The following MEN1 variants were observed in gnomAD, a reference collection of about 807,000 sequenced individuals.
The protein encoded by MEN1 is menin.
A neutral mutation model predicts 58.0 loss-of-function variants in MEN1; 6 were observed. The observed-to-expected ratio is 0.10, with a 90% confidence interval of 0.06 to 0.20. MEN1 has a LOEUF of 0.20. Ranked by LOEUF, MEN1 falls within the 10% of genes least tolerant of loss-of-function variation. MEN1 has a pLI of 1.00. For missense variants in MEN1, 492 were observed against 818.5 expected, an observed-to-expected ratio of 0.60 and a Z score of 4.87; for synonymous variants, 346 against 350.7, an observed-to-expected ratio of 0.99 and a Z score of 0.15.
intron 6 of MEN1, 70 bp downstream of exon 6, chr11:64,806,941 G>C: frequency 7.3e-7 from 1 of 1,378,306 alleles, no homozygotes. Flanking sequence ...CTTCTCATCT[G>C]CCCAGATGAG....
chr11:64,804,751 G>A lies in MEN1; in HGVS notation c.1416C>T (p.Gly472=), dbSNP rs764509990. 23 of 1,596,976 alleles carry A rather than the reference G, an allele frequency of 1.4e-5. No individual in the cohort carries two copies. The highest frequency in any genetic ancestry group is 1.0e-4 in the Admixed American group (6 of 59,892). Residue 472 remains glycine, a synonymous_variant, in exon 10 of 10, where the codon GGC becomes GGT. Transcript: ENST00000450708. This position sits in a 1 kb window ranked among gnomAD's most constrained non-coding sequence, Gnocchi z 4.2. ...GCCGCCGGCCTTCCCGGGCTTCCTC[G>A]CCCCACGGCTCCTCGGCCTCGGCCG... The part of the protein sequence containing the change: ...AEAAEAEEPW[G]EEAREGRRRG...
chr11:64,810,365 C>T (rs967298178), intron 1 of MEN1, 149 bp downstream of exon 1: 2 of 552,310 alleles, frequency 3.6e-6, no homozygotes, highest in South Asian at 4.4e-5. Context: ...ATGGGGTGCG[C>T]CCCAAGCACC....
Position 64,803,589 on chromosome 11 carries a change from G to A in MEN1, c.*745C>T. ...CTATGTACAAAACAGGAAGAGATCA[G>A]GCTCTTGTCACCCACTCCTAACCCT... On this transcript the variant is annotated 3_prime_UTR_variant, in exon 10 of 10. Coordinates refer to ENST00000450708, the MANE Select transcript of MEN1 (RefSeq NM_001370259.2). 1 of 233,748 alleles carries A rather than the reference G, an allele frequency of 4.3e-6. No homozygotes were observed. The highest frequency in any genetic ancestry group is 6.0e-5 in the East Asian group (1 of 16,580). 14.5% of individuals were successfully genotyped at this position (233,748 alleles called of 1,614,324 possible).
chr11:64,805,927 G>T, intron 7 of MEN1, 157 bp from the exon 8 acceptor site: 2 of 786,162 alleles, frequency 2.5e-6, no homozygotes, highest in Non-Finnish European at 4.3e-6. Context: ...GAGGAAGAAA[G>T]CAAGAATGAG....
At chr11:64,808,913 C>T (rs996955230) in intron 2 of MEN1, among the ~76,000 whole-genome samples, 1 of 148,426 alleles carries the variant, frequency 6.7e-6, no homozygotes, top group Non-Finnish European at 1.5e-5. Context: ...CGAGATTGCA[C>T]CACTGCACTC....
In MEN1 at chr11:64,809,807, G is replaced by A. The variant is rs1463347315; in HGVS notation, c.303C>T (p.Val101=). The A allele has an allele frequency of 5.0e-6, 8 of 1,613,790 alleles. No individual in the cohort carries two copies. The highest frequency in any genetic ancestry group is 1.6e-4 in the Middle Eastern group (1 of 6,084). ...CTTCTCGAGGATAGAGGGACAGGTCGACGGCGCCTCGGATCTGGGCGGTGA... is the reference window on the plus strand; with the variant it reads ...CTTCTCGAGGATAGAGGGACAGGTCAACGGCGCCTCGGATCTGGGCGGTGA... ...ARFTAQIRGA[V]DLSLYPREGG... Residue 101 remains valine (V), a synonymous_variant, in exon 2 of 10, where the codon GTC becomes GTT. Coordinates refer to ENST00000450708, the MANE Select transcript of MEN1 (RefSeq NM_001370259.2).
chr11:64,805,988 T>G, intron 7 of MEN1: 1 of 651,716 alleles, frequency 1.5e-6, no homozygotes, highest in Non-Finnish European at 2.7e-6. Context: ...ATGATGGTGG[T>G]TAAACATTGG....
intron 2 of MEN1, among the ~76,000 whole-genome samples, chr11:64,808,821 T>G (rs1466958738): frequency 6.6e-6 from 1 of 151,786 alleles, no homozygotes; most frequent in Admixed American, 6.6e-5. Context: ...GGTGGCAGGC[T>G]CCTGTAGTCC....
chr11:64,806,057 T>C, intron 7 of MEN1, 175 bp downstream of exon 7: 1 of 770,154 alleles, frequency 1.3e-6, no homozygotes, highest in Non-Finnish European at 2.1e-6. Flanking sequence ...GAGGGAAAGA[T>C]GTGACACCTT....
chr11:64,805,967 C>T lies in MEN1; in HGVS notation c.1050-197G>A, dbSNP rs1941692905. 1.5e-5 allele frequency: 10 copies of T among 668,020 alleles called. No homozygotes were observed. The South Asian group carries it at 1.8e-4, about 12-fold the overall frequency. The allele number at this position is 668,020 out of a possible 1,614,324, so 41.4% of individuals were successfully genotyped here. A position where few individuals can be genotyped will look rare whatever the true frequency, so the allele number is the denominator to read the frequency against. On this transcript the variant is annotated intron_variant, in intron 7 of 9. Transcript: ENST00000450708. ...GGGGCATGGGGCCGAGGGTGGAAGT[C>T]CCACTGCTGGATGATGGTGGTTAAA...
At position 64,803,784 on chromosome 11, in the gene MEN1, G is replaced by C. The variant is rs147116273; in HGVS notation, c.*550C>G. 2 of 243,202 alleles carry C rather than the reference G, an allele frequency of 8.2e-6. No homozygotes were observed. The highest frequency in any genetic ancestry group is 1.6e-5 in the Non-Finnish European group (2 of 122,942). 15.1% of individuals were successfully genotyped at this position (243,202 alleles called of 1,614,324 possible). A position where few individuals can be genotyped will look rare whatever the true frequency, so the allele number is the denominator to read the frequency against. ...GTTTTGTGTCCCAGACTCGGGATAC[G>C]AAGGAGAGGAAACTAGGATTTCCAA... On this transcript the variant is annotated 3_prime_UTR_variant, in exon 10 of 10. Coordinates refer to ENST00000450708, the MANE Select transcript of MEN1 (RefSeq NM_001370259.2).
rs1114167484 is a variant in MEN1, at chr11:64,809,916, G to T, written c.194C>A (p.Pro65His). The T allele has an allele frequency of 1.3e-6, 2 of 1,587,400 alleles. No homozygotes were observed. The highest frequency in any genetic ancestry group is 8.6e-7 in the Non-Finnish European group (1 of 1,166,806). Residue 65 changes from proline to histidine, a missense_variant, in exon 2 of 10, where the codon CCC becomes CAC. Pro to His is a moderately conservative substitution (Grantham distance 77). Coordinates refer to ENST00000450708, the MANE Select transcript of MEN1 (RefSeq NM_001370259.2). The part of the protein sequence containing the change: ...PTNVPELTFQ[P>H]SPAPDPPGGL... The stretch of plus-strand genomic sequence containing the variant: ...GCCAGGCGGGTCGGGGGCGGGGCTG[G>T]GCTGGAAGGTGAGCTCGGGAACGTT...
rs774108702 is a variant in MEN1 at position 64,805,752 on chromosome 11, T to G, written c.1068A>C (p.Glu356Asp). ...AGAACTCCTTGTAGATCTCCTCGTC[T>G]TCCCGGCAGTAGTTGTAGCTGTGAG... is the stretch of plus-strand genomic sequence containing the variant. ...TVIQDYNYCREDEEIYKEFFE... is the reference protein window; with the variant it reads ...TVIQDYNYCRDDEEIYKEFFE... Residue 356 changes from glutamate (E) to aspartate (D), a missense_variant, in exon 8 of 10, where the codon GAA becomes GAC. Around this residue, in one of 5 missense-constraint regions of MEN1, gnomAD observed 335 missense variants for 550.3 expected, o/e 0.61. Coordinates refer to ENST00000450708, the MANE Select transcript of MEN1 (RefSeq NM_001370259.2). The G allele has an allele frequency of 6.2e-7, 1 of 1,612,880 alleles. No individual in the cohort carries two copies. The highest frequency in any genetic ancestry group is 1.1e-5 in the South Asian group (1 of 91,010).
At chr11:64,806,842 C>A (rs1941763279) in intron 6 of MEN1, among the ~76,000 whole-genome samples, 169 bp downstream of exon 6, 1 of 152,186 alleles carries the variant, frequency 6.6e-6, no homozygotes, top group Non-Finnish European at 1.5e-5. Flanking sequence ...CCCTGGACAC[C>A]CCTCAGACAG....
intron 2 of MEN1, among the ~76,000 whole-genome samples, chr11:64,808,933 C>A (rs1253307354): frequency 1.9e-4 from 26 of 138,256 alleles, no homozygotes; most frequent in Non-Finnish European, 2.8e-4. Flanking sequence ...CCAGCCTGGG[C>A]GACAGAGTGA....
Position 64,810,054 on chromosome 11 carries a change from A to G in MEN1, c.56T>C (p.Val19Ala). 2 of 1,609,012 alleles carry G rather than the reference A, an allele frequency of 1.2e-6. No homozygotes were observed. Among genetic ancestry groups the G allele is most frequent in the South Asian group, 1.1e-5 (1 of 90,288 alleles). The change falls in exon 2 of 10, where the codon GTG becomes GCG. Residue 19 changes from valine to alanine, a missense_variant. Physicochemically the swap from Val to Ala is moderately conservative, Grantham distance 64. This residue lies in a region of MEN1 where 335 missense variants were observed against 550.3 expected (regional missense o/e 0.61). Coordinates refer to ENST00000450708, the MANE Select transcript of MEN1 (RefSeq NM_001370259.2). ...TLFPLRSIDDVVRLFAAELGR... is the reference protein window; with the variant it reads ...TLFPLRSIDDAVRLFAAELGR... Reference sequence around the variant, plus strand: ...CAGCTCGGCAGCAAACAGGCGCACCACGTCGTCGATGGAGCGCAGCGGGAA... The same window carrying G: ...CAGCTCGGCAGCAAACAGGCGCACCGCGTCGTCGATGGAGCGCAGCGGGAA...
intron 2 of MEN1, 27 bp from the exon 3 acceptor site, chr11:64,808,126 G>T (rs762568418): frequency 6.3e-7 from 1 of 1,578,772 alleles, no homozygotes; most frequent in East Asian, 2.3e-5. Flanking sequence ...TAATGAAAGA[G>T]GGTCCTCTGT....
upstream of MEN1, chr11:64,810,765 G>C (rs2136203963): frequency 6.6e-6 from 1 of 152,410 alleles, no homozygotes; most frequent in African/African-American, 2.4e-5. Flanking sequence ...GGCCGACCAG[G>C]CAGGAAGCGT....
In MEN1 at chr11:64,806,293, G is replaced by A. The variant is rs1565644005; in HGVS notation, c.988C>T (p.Arg330Cys). 3.1e-6 allele frequency: 5 copies of A among 1,614,098 alleles called. No homozygotes were observed. The highest frequency in any genetic ancestry group is 2.7e-5 in the African/African-American group (2 of 74,944). Residue 330 changes from arginine to cysteine, a missense_variant, in exon 7 of 10, where the codon CGC (arginine) becomes TGC (cysteine). Arg to Cys is a radical substitution (Grantham distance 180). Around this residue, in one of 5 missense-constraint regions of MEN1, gnomAD observed 335 missense variants for 550.3 expected, o/e 0.61. Transcript: ENST00000450708. ...PYMYLAGYHC[R>C]NRNVREALQA... Reference sequence around the variant, plus strand: ...AGGGCTTCCCGCACATTGCGGTTGCGACAGTGGTAGCCAGCCAGGTACATG... The same window carrying A: ...AGGGCTTCCCGCACATTGCGGTTGCAACAGTGGTAGCCAGCCAGGTACATG...
Sources: gnomAD v4.1 joint callset for allele counts (sites outside exome capture counted in the v4.1 genomes callset) on GRCh38, gnomAD v4.1.1 for gene constraint, gnomAD v4.1.1 regional missense constraint, Gnocchi (gnomAD v3.1) non-coding constraint, MANE v1.5 for transcripts, NCBI Gene and HGNC (gene_info 2026-07-23, HGNC 2026-07-21) for gene names.